Variants in COLEC12 observed in about 807,000 individuals in gnomAD.
COLEC12 encodes the protein collectin-12.
Under a neutral mutation model 71.1 loss-of-function variants are expected in COLEC12, and 33 were observed. That is an observed-to-expected ratio of 0.46 (90% CI 0.35 to 0.62). The LOEUF (loss-of-function observed/expected upper bound fraction) is 0.62. Among genes scored for constraint, COLEC12 ranks in the 20% least tolerant of loss-of-function variants. COLEC12 has a pLI of 0.00. For synonymous variants in COLEC12, 350 were observed against 353.0 expected (o/e 0.99, Z 0.10); for missense variants, 765 against 916.1 (o/e 0.84, Z 2.13).
At chr18:395,731 G>A (rs1304697564) in intron 2 of COLEC12, among the ~76,000 whole-genome samples, 1 of 152,128 alleles carries the variant, frequency 6.6e-6, no homozygotes, top group Non-Finnish European at 1.5e-5. Flanking sequence ...TGGGGAAAAT[G>A]TCACCCATCA....
At chr18:382,999 C>T (rs888298337) in intron 2 of COLEC12, among the ~76,000 whole-genome samples, 7 of 152,068 alleles carry the variant, frequency 4.6e-5, no homozygotes, top group Non-Finnish European at 8.8e-5. Flanking sequence ...CATCTACAGG[C>T]AAAGAGCATG....
At chr18:435,681 A>G (rs1403031305) in intron 2 of COLEC12, among the ~76,000 whole-genome samples, 1 of 152,222 alleles carries the variant, frequency 6.6e-6, no homozygotes, top group African/African-American at 2.4e-5. Context: ...CCAGAGGTGG[A>G]CAAAGCATTC....
chr18:347,006 G>C lies in COLEC12; in HGVS notation c.616C>G (p.Leu206Val). ...MYSHNVVIMN[L>V]NNLNLTQVQQ... Reference sequence around the variant, plus strand: ...ACCTGGGTCAGGTTCAGGTTGTTGAGGTTCATGATGACCACATTATGAGAA... The same window carrying C: ...ACCTGGGTCAGGTTCAGGTTGTTGACGTTCATGATGACCACATTATGAGAA... The change falls in exon 5 of 10, where the codon CTC becomes GTC. Residue 206 changes from leucine to valine, a missense_variant. Leu to Val is a conservative substitution (Grantham distance 32). Coordinates refer to ENST00000400256, the MANE Select transcript of COLEC12 (RefSeq NM_130386.3). The C allele has an allele frequency of 6.2e-7, 1 of 1,614,200 alleles. No individual in the cohort carries two copies.
In COLEC12 at chr18:484,071, C is replaced by T. The variant is rs574064605; in HGVS notation, c.8-3314G>A. On this transcript the variant is annotated intron_variant, in intron 1 of 9. Coordinates refer to ENST00000400256, the MANE Select transcript of COLEC12 (RefSeq NM_130386.3). ...CTGCACCCTTGATAGCAAACAGCTTCAAATTTCCCATTAGACATGTCTATT... is the reference window on the plus strand; with the variant it reads ...CTGCACCCTTGATAGCAAACAGCTTTAAATTTCCCATTAGACATGTCTATT... Among the ~76,000 whole-genome samples, 12 of 152,304 alleles carry T rather than the reference C, an allele frequency of 7.9e-5. No homozygotes were observed. In the East Asian group the frequency reaches 2.3e-3, roughly 29 times the overall value.
chr18:488,213 C>A (rs981411069), intron 1 of COLEC12, among the ~76,000 whole-genome samples: 7 of 151,800 alleles, frequency 4.6e-5, no homozygotes, highest in South Asian at 2.1e-4. Context: ...GAGTTTGAGA[C>A]CAGCCTGGCC....
In COLEC12 at chr18:446,567, T is replaced by G. The variant is rs1008821838; in HGVS notation, c.58+34140A>C. Among the ~76,000 whole-genome samples the G allele has an allele frequency of 1.1e-3, 152 of 136,408 alleles. 1 individual carries two copies. The highest frequency in any genetic ancestry group is 3.2e-3 in the Admixed American group (44 of 13,600). The allele number at this position is 136,408 out of a possible 152,430, so 89.5% of individuals were successfully genotyped here. On this transcript the variant is annotated intron_variant, in intron 2 of 9. Coordinates refer to ENST00000400256, the MANE Select transcript of COLEC12 (RefSeq NM_130386.3). ...AAAAAAAAAAAAATTTTTTTTTTTT[T>G]TTGTTTAAGTAGCCAGGCATGGGAG...
At chr18:368,673 G>T (rs1048608367) in intron 2 of COLEC12, among the ~76,000 whole-genome samples, 4 of 151,698 alleles carry the variant, frequency 2.6e-5, no homozygotes, top group East Asian at 1.9e-4. Context: ...GACCAGCCTG[G>T]CTAACATGGT....
At chr18:406,821 C>T (rs1915800693) in intron 2 of COLEC12, among the ~76,000 whole-genome samples, 2 of 152,260 alleles carry the variant, frequency 1.3e-5, no homozygotes, top group Admixed American at 6.5e-5. Flanking sequence ...ATTACCTCCT[C>T]ACTCGGTGCT....
chr18:471,846 T>A (rs1234917478), intron 2 of COLEC12, among the ~76,000 whole-genome samples: 1 of 152,074 alleles, frequency 6.6e-6, no homozygotes, highest in Non-Finnish European at 1.5e-5. Context: ...GCCCATTCCC[T>A]TTGTACATAA....
chr18:397,684 G>A (rs556125168), intron 2 of COLEC12, among the ~76,000 whole-genome samples: 28 of 152,296 alleles, frequency 1.8e-4, no homozygotes, highest in Non-Finnish European at 3.2e-4. Flanking sequence ...TTCTTCAGAG[G>A]AGGCTTTTTA....
At chr18:372,734 C>T (rs1171932422) in intron 2 of COLEC12, among the ~76,000 whole-genome samples, 1 of 152,152 alleles carries the variant, frequency 6.6e-6, no homozygotes, top group East Asian at 1.9e-4. Flanking sequence ...TGTTGTTTAA[C>T]TGACACAGGA....
At chr18:387,590 G>A (rs1025801915) in intron 2 of COLEC12, among the ~76,000 whole-genome samples, 9 of 152,172 alleles carry the variant, frequency 5.9e-5, no homozygotes, top group East Asian at 1.9e-4. Context: ...ATCCTTCTGC[G>A]ATGATTTCTC....
intron 3 of COLEC12, among the ~76,000 whole-genome samples, chr18:354,412 C>CA (rs1174372203): frequency 2.6e-5 from 4 of 152,220 alleles, no homozygotes; most frequent in Admixed American, 2.6e-4. Context: ...CAATTTTGAG[C>CA]AAAACAGTAT....
chr18:429,855 C>T (rs1015605358), intron 2 of COLEC12, among the ~76,000 whole-genome samples: 2 of 152,112 alleles, frequency 1.3e-5, no homozygotes, highest in South Asian at 4.1e-4. Context: ...CCCAAACTAG[C>T]GCCCCCTTTG....
In COLEC12 at chr18:500,475, G is replaced by A. The variant is rs757410856; in HGVS notation, c.7+33C>T. The A allele has an allele frequency of 5.9e-6, 7 of 1,184,102 alleles. No homozygotes were observed. The highest frequency in any genetic ancestry group is 6.3e-6 in the Non-Finnish European group (6 of 956,964). The allele number at this position is 1,184,102 out of a possible 1,614,324, so 73.3% of individuals were successfully genotyped here. On this transcript the variant is annotated intron_variant, in intron 1 of 9. Coordinates refer to ENST00000400256, the MANE Select transcript of COLEC12 (RefSeq NM_130386.3). The surrounding 1 kb of genome is among the most constrained non-coding windows in gnomAD (Gnocchi z 5.3). ...GCGCGCCCCGAAGCCCGTTCCCCCC[G>A]CCCAGAGCCCCGCGGAGCTGCCGCC...
intron 2 of COLEC12, among the ~76,000 whole-genome samples, chr18:437,615 A>C (rs887021316): frequency 6.6e-6 from 1 of 152,210 alleles, no homozygotes; most frequent in Admixed American, 6.5e-5. Flanking sequence ...TACGATTAGA[A>C]AGGACAGGAA....
intron 2 of COLEC12, among the ~76,000 whole-genome samples, chr18:417,520 C>G (rs995031487): frequency 2.6e-5 from 4 of 152,098 alleles, no homozygotes; most frequent in African/African-American, 9.7e-5. Context: ...CTAAGGACCA[C>G]CGCCAAGCCA....
At position 346,760 on chromosome 18, in the gene COLEC12, T is replaced by C. The variant is rs763400737; in HGVS notation, c.862A>G (p.Ser288Gly). Residue 288 changes from serine to glycine, a missense_variant, in exon 5 of 10, where the codon AGC becomes GGC. Coordinates refer to ENST00000400256, the MANE Select transcript of COLEC12 (RefSeq NM_130386.3). This position sits in a 1 kb window ranked among gnomAD's most constrained non-coding sequence, Gnocchi z 4.0. ...TGACCTGTGAATGAGTTGAGCTGGCTGTTCATATCCTCCAGGGTGTCGTTG... is the reference window on the plus strand; with the variant it reads ...TGACCTGTGAATGAGTTGAGCTGGCCGTTCATATCCTCCAGGGTGTCGTTG... ...ANNDTLEDMN[S>G]QLNSFTGQME... 6.2e-7 allele frequency: 1 copy of C among 1,614,268 alleles called. No individual in the cohort carries two copies. Among genetic ancestry groups the C allele is most frequent in the South Asian group, 1.1e-5 (1 of 91,088 alleles).
intron 2 of COLEC12, among the ~76,000 whole-genome samples, chr18:426,384 C>T (rs748659749): frequency 2.0e-5 from 3 of 152,114 alleles, no homozygotes; most frequent in Non-Finnish European, 4.4e-5. Context: ...GGTCTGCGAG[C>T]AATTTTACTA....
Sources: allele counts gnomAD v4.1 joint callset (sites outside exome capture counted in the v4.1 genomes callset), GRCh38; gene constraint gnomAD v4.1.1; non-coding constraint Gnocchi (gnomAD v3.1); transcripts MANE v1.5; gene names NCBI Gene and HGNC (gene_info 2026-07-23, HGNC 2026-07-21).